BMPER: variants seen among roughly 807,000 people sequenced by gnomAD.
BMPER encodes the protein BMP-binding endothelial regulator protein.
Under a neutral mutation model 87.3 loss-of-function variants are expected in BMPER, and 45 were observed. The observed-to-expected ratio is 0.52, with a 90% CI of 0.41 to 0.66. BMPER has a LOEUF of 0.66. BMPER is among the 30% of genes least tolerant of loss of function. The probability of loss-of-function intolerance (pLI) is 0.00; values close to 1 mark genes in which losing one functional copy is unlikely to be tolerated. For synonymous variants in BMPER, 326 were observed against 316.2 expected, an observed-to-expected ratio of 1.03 and a Z score of -0.33; for missense variants, 784 against 867.5, an observed-to-expected ratio of 0.90 and a Z score of 1.21.
At chr7:34,021,292 G>A (rs972114727) in intron 6 of BMPER, among the ~76,000 whole-genome samples, 1 of 151,956 alleles carries the variant, frequency 6.6e-6, no homozygotes, top group Non-Finnish European at 1.5e-5. Flanking sequence ...ATTGTCTTAT[G>A]CCACTGTTGT....
chr7:33,976,823 A>T (rs1247919119), intron 6 of BMPER, among the ~76,000 whole-genome samples: 1 of 152,218 alleles, frequency 6.6e-6, no homozygotes, highest in Admixed American at 6.5e-5. Flanking sequence ...TGATATGTAC[A>T]GGGGTCACAA....
At chr7:34,036,591 C>T (rs959612970) in intron 6 of BMPER, among the ~76,000 whole-genome samples, 9 of 152,134 alleles carry the variant, frequency 5.9e-5, no homozygotes, top group African/African-American at 2.2e-4. Context: ...TGCTTCCACA[C>T]ACCACACAAT....
intron 13 of BMPER, among the ~76,000 whole-genome samples, chr7:34,093,018 T>C (rs1348894357): frequency 6.6e-6 from 1 of 152,254 alleles, no homozygotes; most frequent in Non-Finnish European, 1.5e-5. Context: ...CACACAGGAC[T>C]ACTCTCACTT....
At position 33,957,250 on chromosome 7, in the gene BMPER, G is replaced by C. The variant is rs942705763; in HGVS notation, c.320-9229G>C. Among the ~76,000 whole-genome samples, 3 of 151,714 alleles carry C rather than the reference G, an allele frequency of 2.0e-5. No homozygotes were observed. The South Asian group carries it at 6.3e-4, about 32-fold the overall frequency. On this transcript the variant is annotated intron_variant, in intron 3 of 14. Transcript: ENST00000649409. ...ACCAACTGTGGTATATCCATACCAA[G>C]GAATGATATGGATACTCAGCAATAA...
chr7:33,917,914 G>A (rs576672738), intron 2 of BMPER, among the ~76,000 whole-genome samples: 39 of 152,290 alleles, frequency 2.6e-4, no homozygotes, highest in African/African-American at 9.4e-4. Flanking sequence ...TTTTAGTAGG[G>A]ACAGCTTGGC....
rs565272489 is a variant in BMPER at position 34,080,197 on chromosome 7, G to A, written c.1408+1011G>A. ...TTTAACAAGTGTGAAAGTATCAGTT[G>A]GATTCCCGTTTCTTTAGATAATGAA... On this transcript the variant is annotated intron_variant, in intron 12 of 14. Coordinates refer to ENST00000649409, the MANE Select transcript of BMPER (RefSeq NM_001365308.1). Among the ~76,000 whole-genome samples the A allele has an allele frequency of 5.6e-4, 86 of 152,256 alleles. 2 individuals carry two copies. In the South Asian group the frequency reaches 0.017, roughly 31 times the overall value.
At chr7:34,139,628 G>A (rs11773230) in intron 13 of BMPER, among the ~76,000 whole-genome samples, 111,167 of 151,714 alleles carry the variant, frequency 0.73, 41,655 homozygotes, top group East Asian at 0.91. Context: ...CGAGCTTTCC[G>A]TTGGATTTGG....
At chr7:33,934,043 C>T (rs926040114) in intron 2 of BMPER, among the ~76,000 whole-genome samples, 4 of 152,134 alleles carry the variant, frequency 2.6e-5, no homozygotes, top group South Asian at 2.1e-4. Flanking sequence ...AAGATGTGAA[C>T]GGAATGAGCC....
intron 13 of BMPER, among the ~76,000 whole-genome samples, chr7:34,124,842 T>G (rs1790359904): frequency 6.6e-6 from 1 of 152,196 alleles, no homozygotes; most frequent in Non-Finnish European, 1.5e-5. Context: ...GCTTTAGTTT[T>G]AACATGTTTG....
intron 11 of BMPER, among the ~76,000 whole-genome samples, chr7:34,065,338 G>A (rs571094963): frequency 6.6e-6 from 1 of 151,704 alleles, no homozygotes; most frequent in South Asian, 2.1e-4. Flanking sequence ...TCGTGGGGCT[G>A]TCCTGTGCAT....
chr7:33,951,297 C>A (rs1785017070), intron 3 of BMPER, among the ~76,000 whole-genome samples: 1 of 152,108 alleles, frequency 6.6e-6, no homozygotes, highest in Non-Finnish European at 1.5e-5. Context: ...ATCCACCCGC[C>A]TTGGCCTCCT....
chr7:33,974,518 A>G (rs1428266460), intron 5 of BMPER, among the ~76,000 whole-genome samples, 184 bp from the exon 6 acceptor site: 1 of 152,068 alleles, frequency 6.6e-6, no homozygotes, highest in African/African-American at 2.4e-5. Context: ...TTGGGGTTTC[A>G]GGTCCCATGC....
At chr7:33,991,668 G>A (rs1271076537) in intron 6 of BMPER, among the ~76,000 whole-genome samples, 8 of 151,690 alleles carry the variant, frequency 5.3e-5, no homozygotes, top group Non-Finnish European at 7.4e-5. Flanking sequence ...GCTTTTGAAT[G>A]TGTTTGCTCT....
At chr7:34,036,004 A>G (rs1447797284) in intron 6 of BMPER, among the ~76,000 whole-genome samples, 6 of 152,178 alleles carry the variant, frequency 3.9e-5, no homozygotes, top group African/African-American at 9.7e-5. Flanking sequence ...CTTAGTGCCT[A>G]TCCAATGTTG....
intron 2 of BMPER, among the ~76,000 whole-genome samples, chr7:33,918,336 G>A (rs548216074): frequency 2.0e-5 from 3 of 152,270 alleles, no homozygotes; most frequent in Non-Finnish European, 2.9e-5. Context: ...ATTGAACAGC[G>A]CCATTTGTGC....
At chr7:34,051,720 CT>C in intron 7 of BMPER, 140 bp from the exon 8 acceptor site, 1 of 745,206 alleles carries the variant, frequency 1.3e-6, no homozygotes, top group Non-Finnish European at 2.4e-6. Flanking sequence ...TTAGGCATGT[CT>C]GACCCAAGAC....
At chr7:34,022,946 G>A (rs937855555) in intron 6 of BMPER, among the ~76,000 whole-genome samples, 3 of 151,968 alleles carry the variant, frequency 2.0e-5, no homozygotes, top group Non-Finnish European at 4.4e-5. Context: ...TGATCTGAGG[G>A]GGTTTAAGCC....
chr7:33,977,122 C>T (rs1345035061), intron 6 of BMPER, among the ~76,000 whole-genome samples: 1 of 152,076 alleles, frequency 6.6e-6, no homozygotes, highest in Non-Finnish European at 1.5e-5. Context: ...GAAGGTAGGA[C>T]ATTTGTGTGT....
At chr7:34,041,497 AG>A (rs1362192708) in intron 6 of BMPER, among the ~76,000 whole-genome samples, 1 of 152,178 alleles carries the variant, frequency 6.6e-6, no homozygotes, top group African/African-American at 2.4e-5. Flanking sequence ...TCTTTACTCC[AG>A]GAAGTTAAGT....
Sources: allele counts gnomAD v4.1 joint callset (sites outside exome capture counted in the v4.1 genomes callset), GRCh38; gene constraint gnomAD v4.1.1; transcripts MANE v1.5; gene names NCBI Gene and HGNC (gene_info 2026-07-23, HGNC 2026-07-21).